The following RASGEF1A variants were observed in gnomAD, a reference collection of about 807,000 sequenced individuals.
The protein encoded by RASGEF1A is RasGEF domain family member 1A.
RASGEF1A carries 18 observed loss-of-function variants against 56.4 expected under a neutral mutation model. The ratio of observed to expected loss-of-function variants is 0.32; its 90% CI spans 0.22 to 0.47. RASGEF1A has a LOEUF of 0.47. Among genes scored for constraint, RASGEF1A ranks in the 20% least tolerant of loss-of-function variants. The pLI is 1.00. For synonymous variants in RASGEF1A, 245 were observed against 242.6 expected, an observed-to-expected ratio of 1.01 and a Z score of -0.09; for missense variants, 422 against 627.1, an observed-to-expected ratio of 0.67 and a Z score of 3.49.
In RASGEF1A at chr10:43,266,000, T is replaced by C. The variant is rs941767562; in HGVS notation, c.-7+845A>G. On this transcript the variant is annotated intron_variant, in intron 1 of 12. Transcript: ENST00000395810. ...TGAACCAGGGAGAAGCTCACTGCTC[T>C]GAGCAGGGAGGGAGGGAGCCCCGGC... Among the ~76,000 whole-genome samples the C allele has an allele frequency of 3.3e-5, 5 of 152,156 alleles. No individual in the cohort carries two copies. The South Asian group carries it at 1.0e-3, about 32-fold the overall frequency.
chr10:43,210,020 G>A (rs1205075498), intron 1 of RASGEF1A, among the ~76,000 whole-genome samples: 3 of 152,226 alleles, frequency 2.0e-5, no homozygotes, highest in African/African-American at 7.2e-5. Flanking sequence ...AGCATGACCT[G>A]TCGATTGTCA....
chr10:43,258,875 G>A lies in RASGEF1A; in HGVS notation c.-7+7970C>T, dbSNP rs369872512. Reference sequence around the variant, plus strand: ...ATGGGCCTCCTGACCACCAGGCCCGGGAAGGACAGCTGGGGGCCAGAGTGG... The same window carrying A: ...ATGGGCCTCCTGACCACCAGGCCCGAGAAGGACAGCTGGGGGCCAGAGTGG... On this transcript the variant is annotated intron_variant, in intron 1 of 12. Transcript: ENST00000395810. 4.2e-4 allele frequency among the ~76,000 whole-genome samples: 64 copies of A among 152,346 alleles called. No homozygotes were observed. The East Asian group carries it at 0.011, about 26-fold the overall frequency.
At chr10:43,240,755 T>C (rs1840489651) in intron 1 of RASGEF1A, among the ~76,000 whole-genome samples, 1 of 150,962 alleles carries the variant, frequency 6.6e-6, no homozygotes, top group South Asian at 2.1e-4. Context: ...ATAAGAAGAG[T>C]CTCAGAAAAA....
intron 7 of RASGEF1A, 25 bp downstream of exon 7, chr10:43,199,651 C>A: frequency 6.3e-7 from 1 of 1,581,790 alleles, no homozygotes. Context: ...GCAGCCACCC[C>A]ACCATGTCTG....
chr10:43,243,205 G>C (rs1471959701), intron 1 of RASGEF1A, among the ~76,000 whole-genome samples: 1 of 144,206 alleles, frequency 6.9e-6, no homozygotes, highest in African/African-American at 2.6e-5. Context: ...GAAGTGAGGA[G>C]TGCTTCTGCC....
intron 6 of RASGEF1A, 139 bp from the exon 7 acceptor site, chr10:43,199,907 CCCAGTG>C (rs1349993943): frequency 1.5e-5 from 12 of 785,408 alleles, no homozygotes; most frequent in Non-Finnish European, 2.3e-5. Flanking sequence ...CTCCTTGCTG[CCCAGTG>C]CAGGGCTGGC....
intron 1 of RASGEF1A, among the ~76,000 whole-genome samples, chr10:43,243,264 CA>C (rs1840526256): frequency 2.0e-5 from 3 of 151,268 alleles, no homozygotes; most frequent in Admixed American, 6.6e-5. Context: ...CCTGGCTGCC[CA>C]TCGTCTGGGA....
intron 1 of RASGEF1A, among the ~76,000 whole-genome samples, chr10:43,229,395 A>T (rs1208994953): frequency 1.3e-5 from 2 of 152,220 alleles, no homozygotes; most frequent in East Asian, 3.9e-4. Flanking sequence ...CGCAGGAGCC[A>T]CTGTGCTCTC....
In RASGEF1A at chr10:43,229,875, G is replaced by A. The variant is rs1840339068; in HGVS notation, c.-6-23753C>T. The A allele has an allele frequency of 8.8e-6, 5 of 565,568 alleles. No individual in the cohort carries two copies. In the South Asian group the frequency reaches 1.7e-4, roughly 19 times the overall value. The allele number at this position is 565,568 out of a possible 1,614,324, so 35.0% of individuals were successfully genotyped here. On this transcript the variant is annotated intron_variant, in intron 1 of 12. Transcript: ENST00000395810. ...GGGCCGCGAGGCCGGCCAGGAACGC[G>A]GGGCGGGGCCGAGGCTAGGAGCATG...
rs1776878767 is a variant in RASGEF1A, at chr10:43,200,119, C to T, written c.756+63G>A. The T allele has an allele frequency of 8.0e-6, 11 of 1,367,222 alleles. No homozygotes were observed. In the South Asian group the frequency reaches 1.2e-4, roughly 15 times the overall value. 84.7% of individuals were successfully genotyped at this position (1,367,222 alleles called of 1,614,324 possible). ...CTGAGTGAGGCCCACACCCACCCTG[C>T]ATGGAGCGCAAGTGCTGGGCAGACA... On this transcript the variant is annotated intron_variant, in intron 6 of 12. Transcript: ENST00000395810.
intron 1 of RASGEF1A, among the ~76,000 whole-genome samples, chr10:43,211,948 C>T (rs1200913748): frequency 6.6e-6 from 1 of 152,202 alleles, no homozygotes; most frequent in Non-Finnish European, 1.5e-5. Context: ...CGGTTGTGTG[C>T]CTGGAGCAGA....
intron 1 of RASGEF1A, among the ~76,000 whole-genome samples, chr10:43,227,214 T>C (rs945889207): frequency 3.9e-5 from 6 of 152,170 alleles, no homozygotes; most frequent in African/African-American, 1.4e-4. Flanking sequence ...CAGCTTCCCC[T>C]GCACTAAGTC....
intron 1 of RASGEF1A, among the ~76,000 whole-genome samples, chr10:43,239,802 TC>T (rs1303966076): frequency 6.6e-6 from 1 of 152,232 alleles, no homozygotes; most frequent in African/African-American, 2.4e-5. Flanking sequence ...CTCAGAGGTC[TC>T]AAGTACAAAA....
At chr10:43,213,732 T>G (rs1840098159) in intron 1 of RASGEF1A, among the ~76,000 whole-genome samples, 2 of 152,164 alleles carry the variant, frequency 1.3e-5, no homozygotes, top group Admixed American at 1.3e-4. Context: ...GTTCAAGCGA[T>G]TCTCCTGCCT....
chr10:43,254,032 C>A (rs563387880), intron 1 of RASGEF1A, among the ~76,000 whole-genome samples: 1 of 152,320 alleles, frequency 6.6e-6, no homozygotes, highest in African/African-American at 2.4e-5. Flanking sequence ...TGGCACCATC[C>A]TCCCCACCCT....
chr10:43,233,623 C>G (rs1054164480), intron 1 of RASGEF1A, among the ~76,000 whole-genome samples: 5 of 152,174 alleles, frequency 3.3e-5, no homozygotes, highest in African/African-American at 1.2e-4. Flanking sequence ...GAAAATGCCA[C>G]GTGCTGACGA....
At chr10:43,217,066 G>C (rs1271529689) in intron 1 of RASGEF1A, among the ~76,000 whole-genome samples, 1 of 152,184 alleles carries the variant, frequency 6.6e-6, no homozygotes, top group East Asian at 1.9e-4. Context: ...CGTGGAGGGG[G>C]AGAAATGAGG....
intron 1 of RASGEF1A, among the ~76,000 whole-genome samples, chr10:43,230,897 C>T (rs1840357736): frequency 6.6e-6 from 1 of 152,212 alleles, no homozygotes; most frequent in Non-Finnish European, 1.5e-5. Flanking sequence ...GTGCTGGGTT[C>T]ATTCACTGGC....
chr10:43,233,441 C>T (rs1486509004), intron 1 of RASGEF1A, among the ~76,000 whole-genome samples: 1 of 152,138 alleles, frequency 6.6e-6, no homozygotes, highest in Admixed American at 6.6e-5. Context: ...AGTCAGAAGA[C>T]TCAATTTTTT....
Sources: allele counts gnomAD v4.1 joint callset (sites outside exome capture counted in the v4.1 genomes callset), GRCh38; gene constraint gnomAD v4.1.1; transcripts MANE v1.5; gene names NCBI Gene and HGNC (gene_info 2026-07-23, HGNC 2026-07-21).